Variants in ARMC5 observed in about 807,000 individuals in gnomAD.
The protein encoded by ARMC5 is armadillo repeat-containing protein 5.
ARMC5 carries 28 observed loss-of-function variants against 60.5 expected under a neutral mutation model. The ratio of observed to expected loss-of-function variants is 0.46; its 90% confidence interval spans 0.34 to 0.63. The LOEUF (loss-of-function observed/expected upper bound fraction) is 0.63. Ranked by LOEUF, ARMC5 falls within the 30% of genes least tolerant of loss-of-function variation. The pLI, the probability that ARMC5 is intolerant of heterozygous loss-of-function variation, is 0.01. For synonymous variants in ARMC5, 680 were observed against 607.3 expected, an observed-to-expected ratio of 1.12 and a Z score of -1.76; for missense variants, 1,189 against 1,304.9, an observed-to-expected ratio of 0.91 and a Z score of 1.37.
chr16:31,459,571 TCGCGCAGCTCGCGGCGGCGGC>T lies in ARMC5; in HGVS notation c.50_70del (p.Ala17_Ala23del). ...CTCACGGACTCGCTCTCGTTCTGCC[TCGCGCAGCTCGCGGCGGCGGC>T]CGGGGAGGCTCTGGGTGGGGAAAAG... On this transcript the variant is annotated inframe_deletion, in exon 1 of 6. Coordinates refer to ENST00000268314, the MANE Select transcript of ARMC5 (RefSeq NM_001105247.2). 1 of 1,604,542 alleles carries T rather than the reference TCGCGCAGCTCGCGGCGGCGGC, an allele frequency of 6.2e-7. No individual in the cohort carries two copies. Among genetic ancestry groups the T allele is most frequent in the Non-Finnish European group, 8.5e-7 (1 of 1,179,318 alleles).
rs1181650566 is a variant in ARMC5 at position 31,464,809 on chromosome 16, C to T, written c.1786C>T (p.Leu596=). The change falls in exon 4 of 6, where the codon CTG becomes TTG. Residue 596 remains leucine, a synonymous_variant. Coordinates refer to ENST00000268314, the MANE Select transcript of ARMC5 (RefSeq NM_001105247.2). The surrounding 1 kb of genome is among the most constrained non-coding windows in gnomAD (Gnocchi z 7.6). The part of the protein sequence containing the change: ...SYGAALLRAW[L]VLGVAPDDWP... ...TGGCGCGGCGCTGCTGCGGGCCTGGCTGGTGCTGGGGGTGGCGCCTGACGA... is the reference window on the plus strand; with the variant it reads ...TGGCGCGGCGCTGCTGCGGGCCTGGTTGGTGCTGGGGGTGGCGCCTGACGA... The T allele has an allele frequency of 1.3e-6, 2 of 1,597,966 alleles. No homozygotes were observed. Among genetic ancestry groups the T allele is most frequent in the African/African-American group, 2.7e-5 (2 of 74,968 alleles).
chr16:31,460,537 A>T (rs8056200), intron 1 of ARMC5, among the ~76,000 whole-genome samples: 1 of 152,318 alleles, frequency 6.6e-6, no homozygotes, highest in Admixed American at 6.5e-5. Flanking sequence ...CGAATATGCA[A>T]ATATTCTAAG....
In ARMC5 at chr16:31,466,519, GT is replaced by G; in HGVS notation, c.2439del (p.Cys813TrpfsTer104). 6.2e-7 allele frequency: 1 copy of G among 1,609,160 alleles called. No homozygotes were observed. Among genetic ancestry groups the G allele is most frequent in the Non-Finnish European group, 8.5e-7 (1 of 1,179,586 alleles). On this transcript the variant is annotated frameshift_variant, in exon 6 of 6. Transcript: ENST00000268314. LOFTEE classifies it high-confidence loss of function. This position sits in a 1 kb window ranked among gnomAD's most constrained non-coding sequence, Gnocchi z 8.0. ...VLHHLHGCRGCGAALGPVPPP... is the reference protein window; with the variant it reads ...VLHHLHGCRGXGAALGPVPPP... ...CATCATTTGCATGGTTGTCGGGGGT[GT>G]GGGGCTGCCCTGGGGCCCGTGCCCC...
chr16:31,464,485 C>T lies in ARMC5; in HGVS notation c.1462C>T (p.Pro488Ser). Reference protein sequence around the residue: ...PEQCPPEPMEPASPAPTPTSL... With the variant: ...PEQCPPEPMESASPAPTPTSL... Reference sequence around the variant, plus strand: ...GCAGTGTCCGCCGGAGCCCATGGAGCCGGCCAGCCCCGCCCCGACCCCGAC... The same window carrying T: ...GCAGTGTCCGCCGGAGCCCATGGAGTCGGCCAGCCCCGCCCCGACCCCGAC... The change falls in exon 4 of 6, where the codon CCG becomes TCG. Residue 488 changes from proline (P) to serine (S), a missense_variant. Around this residue, in one of 2 missense-constraint regions of ARMC5, gnomAD observed 862 missense variants for 1,071.2 expected, o/e 0.80. Coordinates refer to ENST00000268314, the MANE Select transcript of ARMC5 (RefSeq NM_001105247.2). This position sits in a 1 kb window ranked among gnomAD's most constrained non-coding sequence, Gnocchi z 7.6. 6.2e-7 allele frequency: 1 copy of T among 1,605,730 alleles called. No individual in the cohort carries two copies. Among genetic ancestry groups the T allele is most frequent in the Non-Finnish European group, 8.5e-7 (1 of 1,176,810 alleles).
upstream of ARMC5, chr16:31,458,839 C>A (rs907585227): frequency 6.3e-5 from 97 of 1,534,182 alleles, no homozygotes; most frequent in Non-Finnish European, 7.7e-5. Flanking sequence ...GAGTGAAGAA[C>A]TCCCCGTTTC....
Position 31,464,770 on chromosome 16 carries a change from T to C in ARMC5, c.1747T>C (p.Phe583Leu), listed in dbSNP as rs1213412113. Reference protein sequence around the residue: ...LTCNPACLEAFVRSYGAALLR... With the variant: ...LTCNPACLEALVRSYGAALLR... Reference sequence around the variant, plus strand: ...CTGCAACCCTGCCTGCCTCGAGGCCTTCGTGCGCAGCTATGGCGCGGCGCT... The same window carrying C: ...CTGCAACCCTGCCTGCCTCGAGGCCCTCGTGCGCAGCTATGGCGCGGCGCT... The change falls in exon 4 of 6, where the codon TTC (phenylalanine) becomes CTC (leucine). Residue 583 changes from phenylalanine to leucine, a missense_variant. By Grantham distance (22) the Phe-to-Leu change is conservative (BLOSUM62 0). Transcript: ENST00000268314. This position sits in a 1 kb window ranked among gnomAD's most constrained non-coding sequence, Gnocchi z 7.6. 6.3e-7 allele frequency: 1 copy of C among 1,599,116 alleles called. No homozygotes were observed. The highest frequency in any genetic ancestry group is 8.5e-7 in the Non-Finnish European group (1 of 1,179,212).
rs780890539 is a variant in ARMC5 at position 31,462,890 on chromosome 16, C to T, written c.1343C>T (p.Ala448Val). 11 of 1,607,874 alleles carry T rather than the reference C, an allele frequency of 6.8e-6. No homozygotes were observed. The highest frequency in any genetic ancestry group is 2.2e-5 in the East Asian group (1 of 44,798). Residue 448 changes from alanine to valine, a missense_variant, in exon 3 of 6, where the codon GCA becomes GTA. Physicochemically the swap from Ala to Val is moderately conservative, Grantham distance 64. Around this residue, in one of 2 missense-constraint regions of ARMC5, gnomAD observed 862 missense variants for 1,071.2 expected, o/e 0.80. Coordinates refer to ENST00000268314, the MANE Select transcript of ARMC5 (RefSeq NM_001105247.2). This position sits in a 1 kb window ranked among gnomAD's most constrained non-coding sequence, Gnocchi z 7.2. Reference protein sequence around the residue: ...DFPEERTPERAQGGSFRSLRS... With the variant: ...DFPEERTPERVQGGSFRSLRS... ...CCTGAGGAGAGGACCCCTGAGCGGG[C>T]ACAGGGTGGAAGCTTCCGGAGCCTC...
chr16:31,459,605 G>C lies in ARMC5; in HGVS notation c.81G>C (p.Leu27=), dbSNP rs201624683. 1 of 1,600,564 alleles carries C rather than the reference G, an allele frequency of 6.2e-7. No homozygotes were observed. Among genetic ancestry groups the C allele is most frequent in the East Asian group, 2.2e-5 (1 of 44,838 alleles). ...AQLAAAAGEA[L]GGEKDPATNE... ...TCGCGGCGGCGGCCGGGGAGGCTCT[G>C]GGTGGGGAAAAGGACCCAGCGACCA... Residue 27 remains leucine (L), a synonymous_variant, in exon 1 of 6, where the codon CTG becomes CTC. Transcript: ENST00000268314.
chr16:31,462,963 G>A lies in ARMC5; in HGVS notation c.1370+46G>A, dbSNP rs766160315. Reference sequence around the variant, plus strand: ...TTGGGAGGGTGAGCAGTGCAGTGATGTGGGGTTTGTGTCTGTCTTGGTCCT... The same window carrying A: ...TTGGGAGGGTGAGCAGTGCAGTGATATGGGGTTTGTGTCTGTCTTGGTCCT... On this transcript the variant is annotated intron_variant, in intron 3 of 5. Transcript: ENST00000268314. The surrounding 1 kb of genome is among the most constrained non-coding windows in gnomAD (Gnocchi z 7.2). 6 of 1,470,216 alleles carry A rather than the reference G, an allele frequency of 4.1e-6. No individual in the cohort carries two copies. In the East Asian group the frequency reaches 1.2e-4, roughly 30 times the overall value. 91.1% of individuals were successfully genotyped at this position (1,470,216 alleles called of 1,614,324 possible). A position where few individuals can be genotyped will look rare whatever the true frequency, so the allele number is the denominator to read the frequency against.
In ARMC5 at chr16:31,459,860, C is replaced by T. The variant is rs1173357427; in HGVS notation, c.336C>T (p.Ser112=). Residue 112 remains serine (S), a synonymous_variant, in exon 1 of 6, where the codon TCC becomes TCT. Transcript: ENST00000268314. ...CCCCCGCGTCGGGCCCCGCCCCCTC[C>T]GCTGTGTCGTCGTCTAGTCCTACGC... ...SPAPASGPAP[S]AVSSSSPTPP... is the part of the protein sequence containing the mutation. 8 of 1,599,650 alleles carry T rather than the reference C, an allele frequency of 5.0e-6. No individual in the cohort carries two copies. In the Admixed American group the frequency reaches 1.4e-4, roughly 27 times the overall value.
intron 1 of ARMC5, chr16:31,460,324 GC>G (rs2082294039): frequency 3.2e-6 from 1 of 316,564 alleles, no homozygotes; most frequent in Admixed American, 5.6e-5. Context: ...GATGTTCATA[GC>G]AGACATTCAG....
upstream of ARMC5, chr16:31,458,717 C>G (rs1292724540): frequency 8.2e-6 from 12 of 1,456,916 alleles, no homozygotes; most frequent in Non-Finnish European, 1.1e-5. Context: ...GGAGCCACCT[C>G]GCAATCCAGG....
upstream of ARMC5, chr16:31,458,576 TC>T (rs2082267208): frequency 6.7e-7 from 1 of 1,488,606 alleles, no homozygotes; most frequent in Non-Finnish European, 9.0e-7. Flanking sequence ...AGTCCACATT[TC>T]CGGCACTCGC....
intron 1 of ARMC5, among the ~76,000 whole-genome samples, chr16:31,461,444 T>C (rs1391944046): frequency 6.6e-6 from 1 of 152,062 alleles, no homozygotes; most frequent in Non-Finnish European, 1.5e-5. Flanking sequence ...CACACCCCCA[T>C]CCACCGTGCT....
Position 31,462,341 on chromosome 16 carries a change from T to C in ARMC5, c.794T>C (p.Leu265Pro). Residue 265 changes from leucine (L) to proline (P), a missense_variant, in exon 3 of 6, where the codon CTC (leucine) becomes CCC (proline). Leu to Pro is a moderately conservative substitution (Grantham distance 98). This residue lies in a region of ARMC5 where 862 missense variants were observed against 1,071.2 expected (regional missense o/e 0.80). Transcript: ENST00000268314. The surrounding 1 kb of genome is among the most constrained non-coding windows in gnomAD (Gnocchi z 7.2). Reference sequence around the variant, plus strand: ...GCCCTCGTCCGTGCCCTCCTGGAACTCAGCCGAGGCTGCTCCCGGGCCTGT... The same window carrying C: ...GCCCTCGTCCGTGCCCTCCTGGAACCCAGCCGAGGCTGCTCCCGGGCCTGT... ...TLALVRALLE[L>P]SRGCSRACAE... The C allele has an allele frequency of 6.2e-7, 1 of 1,610,680 alleles. No homozygotes were observed. Among genetic ancestry groups the C allele is most frequent in the Non-Finnish European group, 8.5e-7 (1 of 1,178,994 alleles).
rs200852513 is a variant in ARMC5 at position 31,464,537 on chromosome 16, G to A, written c.1514G>A (p.Arg505His). Residue 505 changes from arginine (R) to histidine (H), a missense_variant, in exon 4 of 6, where the codon CGC (arginine) becomes CAC (histidine). Arg to His is a conservative substitution (Grantham distance 29). Transcript: ENST00000268314. The surrounding 1 kb of genome is among the most constrained non-coding windows in gnomAD (Gnocchi z 7.6). ...PTSLRAPRTQ[R>H]TPGRSPAAAI... Reference sequence around the variant, plus strand: ...TCGCTGCGGGCACCACGCACCCAACGCACTCCGGGCCGCAGCCCCGCCGCC... The same window carrying A: ...TCGCTGCGGGCACCACGCACCCAACACACTCCGGGCCGCAGCCCCGCCGCC... The A allele has an allele frequency of 3.1e-6, 5 of 1,592,478 alleles. No individual in the cohort carries two copies. The highest frequency in any genetic ancestry group is 3.5e-5 in the Admixed American group (2 of 57,416).
Position 31,466,462 on chromosome 16 carries a change from G to A in ARMC5, c.2381G>A (p.Gly794Asp). 6.2e-7 allele frequency: 1 copy of A among 1,611,672 alleles called. No homozygotes were observed. The highest frequency in any genetic ancestry group is 8.5e-7 in the Non-Finnish European group (1 of 1,179,850). ...CAGATGGACCTGGTGCCCCTGCGAG[G>A]TCTGTCGCCTGGTGCAGCCTGGCCT... ...EAQMDLVPLR[G>D]LSPGAAWPVL... The change falls in exon 6 of 6, where the codon GGT (glycine) becomes GAT (aspartate). Residue 794 changes from glycine (G) to aspartate (D), a missense_variant. Physicochemically the swap from Gly to Asp is moderately conservative, Grantham distance 94 (BLOSUM62 -1). Transcript: ENST00000268314. The surrounding 1 kb of genome is among the most constrained non-coding windows in gnomAD (Gnocchi z 8.0).
chr16:31,458,786 C>T, upstream of ARMC5: 1 of 1,516,848 alleles, frequency 6.6e-7, no homozygotes, highest in Non-Finnish European at 8.8e-7. Flanking sequence ...CCCGCCCCGT[C>T]CGGATTCTCC....
chr16:31,461,311 T>TTTTTTGTGAA (rs962361624), intron 1 of ARMC5, among the ~76,000 whole-genome samples: 9 of 152,188 alleles, frequency 5.9e-5, no homozygotes, highest in African/African-American at 1.9e-4. Flanking sequence ...AACCCTTGTG[T>TTTTTTGTGAA]GGCCCCCAGT....
Sources: allele counts gnomAD v4.1 joint callset (sites outside exome capture counted in the v4.1 genomes callset), GRCh38; gene constraint gnomAD v4.1.1; regional missense constraint gnomAD v4.1.1; non-coding constraint Gnocchi (gnomAD v3.1); transcripts MANE v1.5; gene names NCBI Gene and HGNC (gene_info 2026-07-23, HGNC 2026-07-21).